The following ZMYM2 variants were observed in gnomAD, a reference collection of about 807,000 sequenced individuals.
ZMYM2 encodes the protein zinc finger MYM-type containing 2, also known as zinc finger MYM-type protein 2.
Under a neutral mutation model 162.8 loss-of-function variants are expected in ZMYM2, and 56 were observed. The ratio of observed to expected loss-of-function variants is 0.34; its 90% CI spans 0.28 to 0.43. ZMYM2 has a LOEUF of 0.43. ZMYM2 is among the 20% of genes least tolerant of loss of function. ZMYM2 has a pLI of 1.00. For missense variants in ZMYM2, 1,275 were observed against 1,621.8 expected (o/e 0.79, Z 3.67); for synonymous variants, 510 against 541.6 (o/e 0.94, Z 0.81).
intron 13 of ZMYM2, 57 bp from the exon 14 acceptor site, chr13:20,052,220 T>C (rs1160016377): frequency 7.1e-7 from 1 of 1,398,798 alleles, no homozygotes; most frequent in African/African-American, 1.4e-5. Flanking sequence ...AATAGGGATT[T>C]AGAACATTCT....
the ZMYM2 span, among the ~76,000 whole-genome samples, chr13:19,882,784 G>A: frequency 2.5e-5 from 3 of 119,506 alleles, no homozygotes; most frequent in East Asian, 2.3e-4. Context: ...AATGACGTGC[G>A]CCACTTCACA....
In ZMYM2 at chr13:20,061,836, G is replaced by C. The variant is rs955596709; in HGVS notation, c.2911+612G>C. Among the ~76,000 whole-genome samples, 5 of 149,204 alleles carry C rather than the reference G, an allele frequency of 3.4e-5. No individual in the cohort carries two copies. The Admixed American group carries it at 3.4e-4, about 10-fold the overall frequency. On this transcript the variant is annotated intron_variant, in intron 17 of 24. Transcript: ENST00000610343. ...ACTCCTGACCTCAGGTGATCCACCT[G>C]CTTCCCAAAGTGCTGGTATTACAGG...
chr13:19,920,532 C>T, the ZMYM2 span, among the ~76,000 whole-genome samples: 25 of 141,342 alleles, frequency 1.8e-4, no homozygotes, highest in East Asian at 2.7e-3. Flanking sequence ...AAAAGAGAGA[C>T]GGGAAGGAGA....
chr13:19,948,067 C>T, the ZMYM2 span, among the ~76,000 whole-genome samples: 1 of 151,306 alleles, frequency 6.6e-6, no homozygotes, highest in Non-Finnish European at 1.5e-5. Flanking sequence ...CCACTATATA[C>T]CTATCAGAAG....
chr13:20,082,230 A>G, intron 22 of ZMYM2, 100 bp downstream of exon 22: 2 of 918,392 alleles, frequency 2.2e-6, no homozygotes, highest in Non-Finnish European at 1.6e-6. Flanking sequence ...CTTAAATTAG[A>G]TAACATTTTC....
intron 7 of ZMYM2, chr13:20,025,798 A>AAAT (rs1468481439): frequency 1.3e-5 from 2 of 152,296 alleles, no homozygotes; most frequent in African/African-American, 4.8e-5. Flanking sequence ...GCTAGGCTAT[A>AAAT]AGCCTGTACA....
chr13:19,956,990 G>C (rs1043481033), upstream of ZMYM2, among the ~76,000 whole-genome samples: 1 of 152,076 alleles, frequency 6.6e-6, no homozygotes, highest in Non-Finnish European at 1.5e-5. Context: ...GGCTATTTTA[G>C]TGTATTTAAA....
intron 9 of ZMYM2, among the ~76,000 whole-genome samples, chr13:20,030,536 C>T (rs1331602923): frequency 1.3e-5 from 2 of 151,990 alleles, no homozygotes; most frequent in Non-Finnish European, 2.9e-5. Context: ...GTAGCTGGTA[C>T]TACAGGCACC....
chr13:19,987,491 A>T (rs567970591), intron 2 of ZMYM2, among the ~76,000 whole-genome samples: 6 of 151,310 alleles, frequency 4.0e-5, no homozygotes, highest in African/African-American at 1.5e-4. Flanking sequence ...TCTCAAACTC[A>T]TGACCTCGTG....
chr13:20,030,141 T>C (rs750111957), intron 9 of ZMYM2, among the ~76,000 whole-genome samples: 13 of 152,150 alleles, frequency 8.5e-5, no homozygotes, highest in Non-Finnish European at 1.8e-4. Context: ...AAAATTCCTC[T>C]TATGAATACC....
chr13:20,017,325 T>C (rs2140135111), intron 6 of ZMYM2, among the ~76,000 whole-genome samples: 1 of 152,360 alleles, frequency 6.6e-6, no homozygotes, highest in African/African-American at 2.4e-5. Context: ...GGAGCTGTTG[T>C]CTTACTGTTT....
intron 12 of ZMYM2, among the ~76,000 whole-genome samples, chr13:20,039,951 G>A (rs548191448): frequency 6.6e-6 from 1 of 152,286 alleles, no homozygotes; most frequent in Admixed American, 6.5e-5. Context: ...TGATCATGGT[G>A]AATAAGCCTT....
At chr13:20,063,981 T>A (rs1337703167) in intron 18 of ZMYM2, among the ~76,000 whole-genome samples, 2 of 141,060 alleles carry the variant, frequency 1.4e-5, no homozygotes, top group African/African-American at 5.1e-5. Flanking sequence ...TTAAGATCCT[T>A]TGAAAATTAA....
At chr13:20,048,352 TTAAA>T (rs1955009354) in intron 12 of ZMYM2, among the ~76,000 whole-genome samples, 1 of 152,014 alleles carries the variant, frequency 6.6e-6, no homozygotes, top group Non-Finnish European at 1.5e-5. Flanking sequence ...AAATATTGCC[TTAAA>T]TATATATTTT....
At chr13:20,007,620 G>T (rs979428702) in intron 6 of ZMYM2, among the ~76,000 whole-genome samples, 32 of 135,040 alleles carry the variant, frequency 2.4e-4, no homozygotes, top group African/African-American at 8.6e-4. Context: ...TCCCTCTTTA[G>T]TTTTTTTTTT....
the ZMYM2 span, chr13:19,864,618 C>A: frequency 6.5e-6 from 1 of 153,086 alleles, no homozygotes; most frequent in Non-Finnish European, 1.5e-5. Flanking sequence ...TGGGCGCCGC[C>A]GTCCTGTGCT....
Position 20,061,159 on chromosome 13 carries a change from A to C in ZMYM2, c.2846A>C (p.Glu949Ala). 2 of 1,613,788 alleles carry C rather than the reference A, an allele frequency of 1.2e-6. No homozygotes were observed. The highest frequency in any genetic ancestry group is 2.2e-5 in the South Asian group (2 of 90,986). ...GTTTCTTCAGATGCTCTTGATACAG[A>C]GTTGCTTACAATGACGGATATGATG... The part of the protein sequence containing the change: ...SKVSSDALDT[E>A]LLTMTDMMSE... The change falls in exon 17 of 25, where the codon GAG becomes GCG. Residue 949 changes from glutamate (E) to alanine (A), a missense_variant. Coordinates refer to ENST00000610343, the MANE Select transcript of ZMYM2 (RefSeq NM_197968.4).
chr13:19,890,694 C>A, the ZMYM2 span, among the ~76,000 whole-genome samples: 1 of 151,198 alleles, frequency 6.6e-6, no homozygotes, highest in African/African-American at 2.4e-5. Context: ...TATGGTAAAA[C>A]CCTGTCTCTA....
chr13:19,962,824 A>AT (rs34502556), intron 2 of ZMYM2, among the ~76,000 whole-genome samples: 76,844 of 113,510 alleles, frequency 0.68, 29,561 homozygotes, highest in East Asian at 0.85. Context: ...TTGCCCAGCC[A>AT]TTTTTTTTTT....
Sources: gnomAD v4.1 joint callset for allele counts (sites outside exome capture counted in the v4.1 genomes callset) on GRCh38, gnomAD v4.1.1 for gene constraint, MANE v1.5 for transcripts, NCBI Gene and HGNC (gene_info 2026-07-23, HGNC 2026-07-21) for gene names.